ABHD17C: variants seen among roughly 807,000 people sequenced by gnomAD.
The protein encoded by ABHD17C is alpha/beta hydrolase domain-containing protein 17C.
In ABHD17C, 11 loss-of-function variants were observed where a neutral mutation model predicts 27.9. That is an observed-to-expected ratio of 0.39 (90% CI 0.25 to 0.65). The LOEUF (loss-of-function observed/expected upper bound fraction) is 0.65. Among genes scored for constraint, ABHD17C ranks in the 30% least tolerant of loss-of-function variants. The pLI, the probability that ABHD17C is intolerant of heterozygous loss-of-function variation, is 0.45. For synonymous variants in ABHD17C, 233 were observed against 209.1 expected (o/e 1.11, Z -0.98); for missense variants, 280 against 470.2 (o/e 0.60, Z 3.74).
chr15:80,715,652 A>G (rs1014578779), intron 1 of ABHD17C, among the ~76,000 whole-genome samples: 18 of 152,194 alleles, frequency 1.2e-4, no homozygotes, highest in African/African-American at 3.9e-4. Context: ...CTATTTCTAA[A>G]TGGGTTTGTG....
At chr15:80,746,870 C>T (rs1039910402) in intron 1 of ABHD17C, among the ~76,000 whole-genome samples, 3 of 152,090 alleles carry the variant, frequency 2.0e-5, no homozygotes, top group Non-Finnish European at 4.4e-5. Flanking sequence ...ATGTTGGACT[C>T]GTCATAAGAA....
chr15:80,708,046 G>A (rs969467790), intron 1 of ABHD17C, among the ~76,000 whole-genome samples: 3 of 152,118 alleles, frequency 2.0e-5, no homozygotes, highest in Non-Finnish European at 2.9e-5. Context: ...CCTGGGCCCC[G>A]GGCACTGTCA....
At chr15:80,723,044 G>A (rs1894920006) in intron 1 of ABHD17C, among the ~76,000 whole-genome samples, 1 of 152,154 alleles carries the variant, frequency 6.6e-6, no homozygotes. Context: ...GGGGCTGACT[G>A]TGGGACTTGA....
chr15:80,746,725 C>G lies in ABHD17C; in HGVS notation c.591-2788C>G, dbSNP rs576898993. Among the ~76,000 whole-genome samples, 4 of 152,320 alleles carry G rather than the reference C, an allele frequency of 2.6e-5. No individual in the cohort carries two copies. In the East Asian group the frequency reaches 7.7e-4, roughly 29 times the overall value. On this transcript the variant is annotated intron_variant, in intron 1 of 2. Transcript: ENST00000258884. ...GAGAAAGAGCTGCCTGCCTGATGGC[C>G]AGGGCGCTTCCCTCTGCCTTGTCTC...
intron 1 of ABHD17C, among the ~76,000 whole-genome samples, chr15:80,743,637 C>T (rs1381975116): frequency 8.5e-5 from 13 of 152,236 alleles, no homozygotes; most frequent in Admixed American, 8.5e-4. Context: ...GACTGGAGTG[C>T]AGTGGTGTGA....
intron 1 of ABHD17C, among the ~76,000 whole-genome samples, chr15:80,697,044 A>G (rs1025220945): frequency 5.9e-5 from 9 of 152,272 alleles, no homozygotes; most frequent in Admixed American, 4.6e-4. Context: ...GGACCCTTCT[A>G]TAGTTTTTAT....
chr15:80,701,957 G>A (rs1195033442), intron 1 of ABHD17C, among the ~76,000 whole-genome samples: 1 of 151,994 alleles, frequency 6.6e-6, no homozygotes, highest in African/African-American at 2.4e-5. Flanking sequence ...GTGTGGTTCG[G>A]CAGGTTTTCT....
intron 1 of ABHD17C, among the ~76,000 whole-genome samples, chr15:80,744,954 C>T (rs1007712924): frequency 2.6e-5 from 4 of 152,108 alleles, no homozygotes; most frequent in Non-Finnish European, 5.9e-5. Flanking sequence ...CTGATGTTGC[C>T]TCATGAGGTT....
chr15:80,717,448 C>T (rs879271799), intron 1 of ABHD17C, among the ~76,000 whole-genome samples: 7 of 149,658 alleles, frequency 4.7e-5, no homozygotes, highest in Non-Finnish European at 7.4e-5. Flanking sequence ...GGCTGGAGGG[C>T]GGTGGCATAA....
chr15:80,729,850 G>T (rs369177859), intron 1 of ABHD17C, among the ~76,000 whole-genome samples: 1 of 152,258 alleles, frequency 6.6e-6, no homozygotes, highest in East Asian at 1.9e-4. Context: ...AGTGGCTTAC[G>T]CCTGTAATCC....
intron 1 of ABHD17C, among the ~76,000 whole-genome samples, chr15:80,713,870 T>A (rs1468364898): frequency 1.3e-5 from 2 of 151,392 alleles, no homozygotes; most frequent in African/African-American, 4.9e-5. Flanking sequence ...TCTTATAATA[T>A]CTTTGGGTCT....
chr15:80,713,939 CATAT>C (rs1271916209), intron 1 of ABHD17C, among the ~76,000 whole-genome samples: 1 of 145,016 alleles, frequency 6.9e-6, no homozygotes, highest in Non-Finnish European at 1.5e-5. Context: ...CACACACACA[CATAT>C]ATTTATTTAT....
chr15:80,734,419 A>G (rs1015982954), intron 1 of ABHD17C, among the ~76,000 whole-genome samples: 1 of 152,212 alleles, frequency 6.6e-6, no homozygotes, highest in African/African-American at 2.4e-5. Flanking sequence ...AACATGTTAA[A>G]TAATTACAGA....
intron 1 of ABHD17C, among the ~76,000 whole-genome samples, chr15:80,718,927 A>G (rs1894848617): frequency 6.6e-6 from 1 of 152,198 alleles, no homozygotes; most frequent in African/African-American, 2.4e-5. Context: ...TCATACAGTG[A>G]TGATGGCGAC....
intron 1 of ABHD17C, among the ~76,000 whole-genome samples, chr15:80,704,035 G>T (rs1004447514): frequency 1.3e-5 from 2 of 152,222 alleles, no homozygotes; most frequent in African/African-American, 4.8e-5. Context: ...CTCTCTCACA[G>T]AGTATCTTGT....
chr15:80,702,291 G>C (rs1894583768), intron 1 of ABHD17C, among the ~76,000 whole-genome samples: 1 of 151,996 alleles, frequency 6.6e-6, no homozygotes, highest in South Asian at 2.1e-4. Flanking sequence ...TTGAGCCCAG[G>C]AGTCTCAGAC....
intron 1 of ABHD17C, chr15:80,704,883 A>G (rs1319047755): frequency 6.6e-6 from 1 of 152,212 alleles, no homozygotes; most frequent in Non-Finnish European, 1.5e-5. Context: ...TTTTGAGACC[A>G]CGTGTGTGTG....
chr15:80,733,719 C>G (rs906155550), intron 1 of ABHD17C, among the ~76,000 whole-genome samples: 34 of 152,214 alleles, frequency 2.2e-4, no homozygotes, highest in African/African-American at 8.0e-4. Context: ...CAGGCAAACT[C>G]ACCAACCATC....
At chr15:80,696,058 T>C in intron 1 of ABHD17C, 39 bp downstream of exon 1, 1 of 1,495,136 alleles carries the variant, frequency 6.7e-7, no homozygotes. Context: ...CTTCCAGCTG[T>C]GGGGAGGCGG....
Sources: gnomAD v4.1 joint callset for allele counts (sites outside exome capture counted in the v4.1 genomes callset) on GRCh38, gnomAD v4.1.1 for gene constraint, MANE v1.5 for transcripts, NCBI Gene and HGNC (gene_info 2026-07-23, HGNC 2026-07-21) for gene names.